Variants in NF2 observed in about 807,000 individuals in gnomAD.
NF2 encodes merlin.
A neutral mutation model predicts 83.7 loss-of-function variants in NF2; 8 were observed. The ratio of observed to expected loss-of-function variants is 0.10; its 90% CI spans 0.06 to 0.17. The LOEUF is 0.17. Among genes scored for constraint, NF2 ranks in the 10% least tolerant of loss-of-function variants. The probability of loss-of-function intolerance (pLI) is 1.00; values close to 1 mark genes in which losing one functional copy is unlikely to be tolerated. For synonymous variants in NF2, 266 were observed against 269.6 expected (o/e 0.99, Z 0.13); for missense variants, 533 against 744.4 (o/e 0.72, Z 3.31).
intron 1 of NF2, among the ~76,000 whole-genome samples, chr22:29,630,014 C>G (rs1215928530): frequency 6.6e-6 from 1 of 152,204 alleles, no homozygotes; most frequent in Admixed American, 6.5e-5. Flanking sequence ...TTCTTACTCA[C>G]CCCGCACTGT....
chr22:29,683,123 C>G, intron 15 of NF2: 1 of 1,614,142 alleles, frequency 6.2e-7, no homozygotes, highest in Non-Finnish European at 8.5e-7. Flanking sequence ...TGATACTAAC[C>G]CGTGCATGAG....
At chr22:29,629,594 G>A (rs1040257922) in intron 1 of NF2, among the ~76,000 whole-genome samples, 5 of 152,210 alleles carry the variant, frequency 3.3e-5, no homozygotes, top group Admixed American at 1.3e-4. Flanking sequence ...CGGCAGACAC[G>A]TGGCACATGT....
At chr22:29,656,354 G>A (rs765499265) in intron 6 of NF2, among the ~76,000 whole-genome samples, 17 of 150,884 alleles carry the variant, frequency 1.1e-4, no homozygotes, top group Non-Finnish European at 1.6e-4. Context: ...AATTTCTGCA[G>A]TGCACAATCT....
At chr22:29,668,613 A>G (rs2066696222) in intron 10 of NF2, among the ~76,000 whole-genome samples, 167 bp downstream of exon 10, 1 of 152,214 alleles carries the variant, frequency 6.6e-6, no homozygotes, top group African/African-American at 2.4e-5. Context: ...GTGGGATGTC[A>G]TCTCTGGAAA....
At chr22:29,673,204 A>C in intron 11 of NF2, 65 bp from the exon 12 acceptor site, 1 of 1,517,002 alleles carries the variant, frequency 6.6e-7, no homozygotes, top group Non-Finnish European at 9.0e-7. Context: ...CTCAGTGTTC[A>C]AGGCAGATCT....
intron 6 of NF2, among the ~76,000 whole-genome samples, chr22:29,657,591 C>T (rs2066350356): frequency 6.6e-6 from 1 of 152,194 alleles, no homozygotes; most frequent in African/African-American, 2.4e-5. Context: ...CATAGGGAGA[C>T]TTGAGTTAAA....
intron 4 of NF2, among the ~76,000 whole-genome samples, chr22:29,653,664 G>C (rs1276955787): frequency 1.3e-5 from 2 of 152,124 alleles, no homozygotes; most frequent in African/African-American, 4.8e-5. Context: ...CGCTTCATTT[G>C]GAGAACACAC....
intron 6 of NF2, 72 bp from the exon 7 acceptor site, chr22:29,658,117 T>C: frequency 7.0e-7 from 1 of 1,433,428 alleles, no homozygotes; most frequent in Non-Finnish European, 9.8e-7. Context: ...TCAGAATGCT[T>C]GATTTGGTGC....
chr22:29,693,037 A>G (rs2067449707), intron 15 of NF2, among the ~76,000 whole-genome samples: 1 of 152,220 alleles, frequency 6.6e-6, no homozygotes. Context: ...TGTTCTTTTC[A>G]GAAACCTGAG....
intron 1 of NF2, among the ~76,000 whole-genome samples, chr22:29,629,404 T>C (rs986639978): frequency 9.9e-5 from 15 of 152,270 alleles, no homozygotes; most frequent in Non-Finnish European, 4.4e-5. Flanking sequence ...TTGGCCTCTA[T>C]TTTTCAAAAC....
At chr22:29,689,118 G>T (rs541470432) in intron 15 of NF2, among the ~76,000 whole-genome samples, 2 of 149,716 alleles carry the variant, frequency 1.3e-5, no homozygotes, top group South Asian at 4.2e-4. Context: ...GGCAGAGGCT[G>T]CAGTGAGCGG....
chr22:29,678,345 G>A (rs1278635297), intron 14 of NF2, 22 bp downstream of exon 14: 1 of 1,611,272 alleles, frequency 6.2e-7, no homozygotes, highest in Non-Finnish European at 8.5e-7. Context: ...CCTGTGCCCT[G>A]CTGTGGGCAG....
chr22:29,685,882 T>C (rs1378834706), intron 15 of NF2, among the ~76,000 whole-genome samples: 3 of 152,102 alleles, frequency 2.0e-5, no homozygotes, highest in African/African-American at 4.8e-5. Flanking sequence ...TGAGCGGCCA[T>C]CCAGTCTGAT....
chr22:29,666,052 T>A (rs2066614024), intron 9 of NF2, among the ~76,000 whole-genome samples: 1 of 152,198 alleles, frequency 6.6e-6, no homozygotes, highest in Admixed American at 6.5e-5. Context: ...TTGAGATATA[T>A]CTTTGTTGAT....
Position 29,624,801 on chromosome 22 carries a change from CTTTCTTTCTTTCTTTCTT to C in NF2, c.115-11948_115-11931del, listed in dbSNP as rs1569272686. Among the ~76,000 whole-genome samples, 48 of 10,592 alleles carry C rather than the reference CTTTCTTTCTTTCTTTCTT, an allele frequency of 4.5e-3. 1 individual carries two copies. The highest frequency in any genetic ancestry group is 0.013 in the African/African-American group (48 of 3,784). The allele number at this position is 10,592 out of a possible 152,430, so 6.9% of individuals were successfully genotyped here. A position where few individuals can be genotyped will look rare whatever the true frequency, so the allele number is the denominator to read the frequency against. On this transcript the variant is annotated intron_variant, in intron 1 of 15. Coordinates refer to ENST00000338641, the MANE Select transcript of NF2 (RefSeq NM_000268.4). ...TGCCATGTTCTTGTTGAAGGGTCCTCTTTCTTTCTTTCTTTCTTTCTTTCTTTCTTTCTTTCTTTCTTT... is the reference window on the plus strand; with the variant it reads ...TGCCATGTTCTTGTTGAAGGGTCCTCTCTTTCTTTCTTTCTTTCTTTCTTT...
rs1043335232 is a variant in NF2, at chr22:29,697,417, G to C, written c.*2615G>C. On this transcript the variant is annotated 3_prime_UTR_variant, in exon 16 of 16. Coordinates refer to ENST00000338641, the MANE Select transcript of NF2 (RefSeq NM_000268.4). ...GCCAGGAGCACTTCCCCCTCCTTGA[G>C]GCAGGAATACTGAGGTGCCTCCCCA... 5.2e-6 allele frequency: 1 copy of C among 191,620 alleles called. No individual in the cohort carries two copies. The highest frequency in any genetic ancestry group is 2.3e-5 in the African/African-American group (1 of 42,920). 11.9% of individuals were successfully genotyped at this position (191,620 alleles called of 1,614,324 possible). A position where few individuals can be genotyped will look rare whatever the true frequency, so the allele number is the denominator to read the frequency against.
chr22:29,640,131 G>A (rs1224430715), intron 3 of NF2, among the ~76,000 whole-genome samples: 3 of 147,750 alleles, frequency 2.0e-5, no homozygotes, highest in African/African-American at 5.0e-5. Flanking sequence ...GGAGGCGGAG[G>A]TTGCAGTGAG....
At chr22:29,688,984 T>C (rs1034672248) in intron 15 of NF2, among the ~76,000 whole-genome samples, 3 of 151,974 alleles carry the variant, frequency 2.0e-5, no homozygotes, top group African/African-American at 4.8e-5. Context: ...ATTGAGACCA[T>C]CCTGGCCAAC....
chr22:29,610,014 TA>T (rs895394627), intron 1 of NF2, among the ~76,000 whole-genome samples: 5 of 146,824 alleles, frequency 3.4e-5, no homozygotes, highest in African/African-American at 9.9e-5. Context: ...AGTATACCCT[TA>T]AAAAATAAAT....
Sources: allele counts gnomAD v4.1 joint callset (sites outside exome capture counted in the v4.1 genomes callset), GRCh38; gene constraint gnomAD v4.1.1; transcripts MANE v1.5; gene names NCBI Gene and HGNC (gene_info 2026-07-23, HGNC 2026-07-21).